Variants in DLC1 observed in about 807,000 individuals in gnomAD.
DLC1 encodes the protein rho GTPase-activating protein 7.
In DLC1, 54 loss-of-function variants were observed where a neutral mutation model predicts 140.3. The ratio of observed to expected loss-of-function variants is 0.38; its 90% CI spans 0.31 to 0.48. DLC1 has a LOEUF of 0.48. Ranked by LOEUF, DLC1 falls within the 20% of genes least tolerant of loss-of-function variation. The pLI, the probability that DLC1 is intolerant of heterozygous loss-of-function variation, is 0.96. For synonymous variants in DLC1, 986 were observed against 728.1 expected (o/e 1.35, Z -5.70); for missense variants, 2,536 against 1,907.0 (o/e 1.33, Z -6.14).
chr8:13,385,327 T>G (rs1451349056), intron 4 of DLC1, among the ~76,000 whole-genome samples: 2 of 152,106 alleles, frequency 1.3e-5, no homozygotes, highest in Non-Finnish European at 2.9e-5. Context: ...TAGAGTCAAT[T>G]TCATAACATC....
At chr8:13,205,178 C>T (rs1466764674) in intron 5 of DLC1, among the ~76,000 whole-genome samples, 1 of 152,152 alleles carries the variant, frequency 6.6e-6, no homozygotes, top group African/African-American at 2.4e-5. Flanking sequence ...GCAGAACAGA[C>T]TAATAAATAT....
intron 5 of DLC1, among the ~76,000 whole-genome samples, chr8:13,160,493 G>A (rs1824606797): frequency 1.3e-5 from 2 of 152,174 alleles, no homozygotes; most frequent in Admixed American, 6.5e-5. Context: ...CCTCTTGGAT[G>A]TGGTGGCTAG....
intron 5 of DLC1, among the ~76,000 whole-genome samples, chr8:13,169,758 T>A (rs1286193409): frequency 6.6e-6 from 1 of 152,172 alleles, no homozygotes; most frequent in Non-Finnish European, 1.5e-5. Flanking sequence ...GCCCAGTGGC[T>A]CTAGTCTGTA....
intron 1 of DLC1, among the ~76,000 whole-genome samples, chr8:13,506,581 G>GTGTATATATATATATATA (rs1246764417): frequency 7.6e-6 from 1 of 131,142 alleles, no homozygotes; most frequent in African/African-American, 3.2e-5. Context: ...GTGTGTGTGT[G>GTGTATATATATATATATA]TATATATATA....
chr8:13,401,767 G>A, intron 2 of DLC1, 148 bp from the exon 3 acceptor site: 1 of 997,370 alleles, frequency 1.0e-6, no homozygotes, highest in Non-Finnish European at 1.4e-6. Context: ...ATCATCAATG[G>A]GCTCTTCATT....
intron 4 of DLC1, among the ~76,000 whole-genome samples, chr8:13,327,267 C>G (rs939117458): frequency 5.9e-5 from 9 of 151,922 alleles, no homozygotes; most frequent in Non-Finnish European, 5.9e-5. Flanking sequence ...GCCACTGCGC[C>G]CGGCCCCACT....
chr8:13,463,748 T>C (rs889377683), intron 2 of DLC1, among the ~76,000 whole-genome samples: 2 of 152,208 alleles, frequency 1.3e-5, no homozygotes, highest in African/African-American at 4.8e-5. Context: ...CCTGACTTTT[T>C]GCCGGATTCC....
At chr8:13,137,025 A>G (rs2128967674) in intron 5 of DLC1, among the ~76,000 whole-genome samples, 1 of 152,370 alleles carries the variant, frequency 6.6e-6, no homozygotes, top group Middle Eastern at 3.4e-3. Context: ...CACCATTATT[A>G]GAACTAAAAC....
intron 5 of DLC1, among the ~76,000 whole-genome samples, chr8:13,138,124 A>G (rs10099248): frequency 0.12 from 18,727 of 151,988 alleles, 1,853 homozygotes; most frequent in African/African-American, 0.28. Context: ...CATTTTTCCC[A>G]CTGTAATATG....
chr8:13,348,866 T>G (rs2117020123), intron 4 of DLC1, among the ~76,000 whole-genome samples: 1 of 152,266 alleles, frequency 6.6e-6, no homozygotes, highest in East Asian at 1.9e-4. Flanking sequence ...ATTCTCAACC[T>G]TCTTGAGGAG....
chr8:13,316,595 A>G (rs949834150), intron 4 of DLC1, among the ~76,000 whole-genome samples: 1 of 152,072 alleles, frequency 6.6e-6, no homozygotes, highest in Admixed American at 6.6e-5. Flanking sequence ...AAGGAGACAG[A>G]AGGGGAGGAG....
chr8:13,395,223 C>T (rs992655498), intron 3 of DLC1, among the ~76,000 whole-genome samples: 7 of 151,646 alleles, frequency 4.6e-5, no homozygotes, highest in Non-Finnish European at 7.4e-5. Flanking sequence ...TGAGTTCATG[C>T]AATTCTCCTG....
chr8:13,502,467 T>C (rs112128007), intron 1 of DLC1, among the ~76,000 whole-genome samples: 3 of 152,302 alleles, frequency 2.0e-5, no homozygotes, highest in African/African-American at 4.8e-5. Flanking sequence ...AAAATGAATG[T>C]CTGCAAGCTC....
intron 5 of DLC1, among the ~76,000 whole-genome samples, chr8:13,171,439 G>C (rs981129718): frequency 6.7e-6 from 1 of 148,780 alleles, no homozygotes; most frequent in Non-Finnish European, 1.5e-5. Context: ...CTGGAGTGCT[G>C]TCACCCAGAC....
In DLC1 at chr8:13,424,772, A is replaced by G. The variant is rs181863187; in HGVS notation, c.1024-23153T>C. 2.2e-3 allele frequency among the ~76,000 whole-genome samples: 338 copies of G among 152,044 alleles called. 4 individuals carry two copies. The highest frequency in any genetic ancestry group is 7.6e-3 in the African/African-American group (315 of 41,482). The stretch of plus-strand genomic sequence containing the variant: ...GTATTGTTAGTAGAGACGGGGTTTC[A>G]CCATGTTAGCCAGGATGGTCTTGGT... On this transcript the variant is annotated intron_variant, in intron 2 of 17. Transcript: ENST00000276297.
chr8:13,394,392 GTTATTA>G (rs911002626), intron 3 of DLC1, among the ~76,000 whole-genome samples: 1 of 152,088 alleles, frequency 6.6e-6, no homozygotes, highest in African/African-American at 2.4e-5. Context: ...AATAAATATT[GTTATTA>G]TTATTATGTT....
chr8:13,371,295 C>T (rs1008876178), intron 4 of DLC1, among the ~76,000 whole-genome samples: 11 of 152,156 alleles, frequency 7.2e-5, no homozygotes, highest in African/African-American at 2.7e-4. Flanking sequence ...TCAAAATTGT[C>T]TCCCTCCCTA....
At chr8:13,229,579 G>C (rs963531276) in intron 5 of DLC1, among the ~76,000 whole-genome samples, 5 of 151,738 alleles carry the variant, frequency 3.3e-5, no homozygotes, top group Non-Finnish European at 7.4e-5. Flanking sequence ...GAACTTTTTA[G>C]TATATAAATT....
chr8:13,551,472 C>G (rs564617198), intron 1 of DLC1, among the ~76,000 whole-genome samples: 4 of 152,086 alleles, frequency 2.6e-5, no homozygotes, highest in African/African-American at 4.8e-5. Context: ...TGAAGGATTA[C>G]TCTCTCTTTC....
Sources: allele counts gnomAD v4.1 joint callset (sites outside exome capture counted in the v4.1 genomes callset), GRCh38; gene constraint gnomAD v4.1.1; transcripts MANE v1.5; gene names NCBI Gene and HGNC (gene_info 2026-07-23, HGNC 2026-07-21).